MMP13: variants seen among roughly 807,000 people sequenced by gnomAD.
The protein encoded by MMP13 is collagenase 3.
A neutral mutation model predicts 52.1 loss-of-function variants in MMP13; 45 were observed. The ratio of observed to expected loss-of-function variants is 0.86; its 90% CI spans 0.68 to 1.11. The LOEUF (loss-of-function observed/expected upper bound fraction) is 1.11. MMP13 is among the 50% of genes least tolerant of loss of function. The pLI is 0.00. For missense variants in MMP13, 576 were observed against 583.8 expected, an observed-to-expected ratio of 0.99 and a Z score of 0.14; for synonymous variants, 200 against 204.4, an observed-to-expected ratio of 0.98 and a Z score of 0.18.
In MMP13 at chr11:102,955,227, G is replaced by T. The variant is rs760430156; in HGVS notation, c.362+25C>A. On this transcript the variant is annotated intron_variant, in intron 2 of 9. Coordinates refer to ENST00000260302, the MANE Select transcript of MMP13 (RefSeq NM_002427.4). This position sits in a 1 kb window ranked among gnomAD's most constrained non-coding sequence, Gnocchi z 4.9. ...ACTACAAGAAAAGGCTAACAAATAT[G>T]AAAGAAAGATAGCCTATGATTTACC... 1 of 1,611,350 alleles carries T rather than the reference G, an allele frequency of 6.2e-7. No homozygotes were observed. The highest frequency in any genetic ancestry group is 1.3e-5 in the African/African-American group (1 of 74,882).
rs1860453203 is a variant in MMP13, at chr11:102,944,040, G to GA, written c.*225dup. On this transcript the variant is annotated 3_prime_UTR_variant, in exon 10 of 10. Coordinates refer to ENST00000260302, the MANE Select transcript of MMP13 (RefSeq NM_002427.4). ...AACCATTGCTTTTGTACAGCAACAA[G>GA]AATCAGATGCTCTTTAGAGATCCTC... 1 of 489,856 alleles carries GA rather than the reference G, an allele frequency of 2.0e-6. No homozygotes were observed. Among genetic ancestry groups the GA allele is most frequent in the Admixed American group, 2.7e-5 (1 of 36,782 alleles). The allele number at this position is 489,856 out of a possible 1,614,324, so 30.3% of individuals were successfully genotyped here.
chr11:102,954,682 G>T, intron 2 of MMP13, 76 bp from the exon 3 acceptor site: 1 of 1,342,296 alleles, frequency 7.4e-7, no homozygotes, highest in Non-Finnish European at 1.1e-6. Context: ...TTGGTATATT[G>T]CTTTTCAATT....
chr11:102,947,902 G>A lies in MMP13; in HGVS notation c.1200C>T (p.Asn400=). The A allele has an allele frequency of 6.2e-7, 1 of 1,613,904 alleles. No homozygotes were observed. Among genetic ancestry groups the A allele is most frequent in the South Asian group, 1.1e-5 (1 of 91,078 alleles). ...DTGKTLLFSG[N]QVWRYDDTNH... Reference sequence around the variant, plus strand: ...TACTGCTGCCATACCTCCAGACCTGGTTTCCTGAGAACAGGAGAGTCTTGC... The same window carrying A: ...TACTGCTGCCATACCTCCAGACCTGATTTCCTGAGAACAGGAGAGTCTTGC... The change falls in exon 8 of 10, where the codon AAC becomes AAT. Residue 400 remains asparagine (N), a synonymous_variant. Transcript: ENST00000260302.
At chr11:102,947,585 A>G (rs111502175) in intron 8 of MMP13, among the ~76,000 whole-genome samples, 81 of 152,128 alleles carry the variant, frequency 5.3e-4, no homozygotes, top group African/African-American at 1.7e-3. Context: ...AAAAAAAGAA[A>G]GAAAGAGGGG....
In MMP13 at chr11:102,955,635, C is replaced by T. The variant is rs138415943; in HGVS notation, c.71G>A (p.Ser24Asn). The T allele has an allele frequency of 2.5e-6, 4 of 1,613,906 alleles. No homozygotes were observed. The Admixed American group carries it at 5.0e-5, about 20-fold the overall frequency. ...WTHCRALPLP[S>N]GGDEDDLSEE... Reference sequence around the variant, plus strand: ...AGACAAATCATCTTCATCACCACCACTGGGAAGGGGCAGGGCCCGACAATG... The same window carrying T: ...AGACAAATCATCTTCATCACCACCATTGGGAAGGGGCAGGGCCCGACAATG... The change falls in exon 1 of 10, where the codon AGT (serine) becomes AAT (asparagine). Residue 24 changes from serine to asparagine, a missense_variant. Ser to Asn is a conservative substitution (Grantham distance 46). Transcript: ENST00000260302. The surrounding 1 kb of genome is among the most constrained non-coding windows in gnomAD (Gnocchi z 4.9).
rs782239802 is a variant in MMP13 at position 102,950,177 on chromosome 11, A to G, written c.850T>C (p.Cys284Arg). The G allele has an allele frequency of 6.2e-7, 1 of 1,613,864 alleles. No individual in the cohort carries two copies. Among genetic ancestry groups the G allele is most frequent in the Non-Finnish European group, 8.5e-7 (1 of 1,179,810 alleles). ...NPKHPKTPDK[C>R]DPSLSLDAIT... ...GCATCAAGGGATAAGGAAGGGTCAC[A>G]TTTGTCTGGCGTTTTTGGATGTTTA... Residue 284 changes from cysteine to arginine, a missense_variant, in exon 6 of 10, where the codon TGT becomes CGT. Cys to Arg is a radical substitution (Grantham distance 180). Coordinates refer to ENST00000260302, the MANE Select transcript of MMP13 (RefSeq NM_002427.4).
intron 9 of MMP13, among the ~76,000 whole-genome samples, chr11:102,944,750 G>A (rs1235228205): frequency 6.7e-6 from 1 of 148,888 alleles, no homozygotes; most frequent in Non-Finnish European, 1.5e-5. Context: ...TGGGATTACA[G>A]GTGCATGCCA....
rs782016341 is a variant in MMP13 at position 102,943,387 on chromosome 11, A to G, written c.*879T>C. 2.6e-5 allele frequency: 4 copies of G among 152,240 alleles called. No individual in the cohort carries two copies. Among genetic ancestry groups the G allele is most frequent in the South Asian group, 2.1e-4 (1 of 4,832 alleles). The allele number at this position is 152,240 out of a possible 1,614,324, so 9.4% of individuals were successfully genotyped here. On this transcript the variant is annotated 3_prime_UTR_variant, in exon 10 of 10. Transcript: ENST00000260302. ...CTATATATCCAAGACAAACTGGACAATTAAATAATTAGCTAGGTAAAATAG... is the reference window on the plus strand; with the variant it reads ...CTATATATCCAAGACAAACTGGACAGTTAAATAATTAGCTAGGTAAAATAG...
intron 5 of MMP13, among the ~76,000 whole-genome samples, chr11:102,951,265 G>A (rs1393654420): frequency 2.0e-5 from 3 of 152,160 alleles, no homozygotes; most frequent in African/African-American, 7.2e-5. Context: ...GGTTGAAAGA[G>A]TACTTGGAAT....
intron 8 of MMP13, 134 bp downstream of exon 8, chr11:102,947,757 A>G (rs1430137324): frequency 5.7e-5 from 56 of 982,132 alleles, no homozygotes; most frequent in Non-Finnish European, 8.3e-5. Context: ...TGCCTGAAAG[A>G]GCTGACATGG....
chr11:102,951,955 G>A (rs1591157521), intron 5 of MMP13, 57 bp downstream of exon 5: 2 of 1,563,984 alleles, frequency 1.3e-6, no homozygotes, highest in East Asian at 2.2e-5. Context: ...GAAAATAAAT[G>A]CATGGGTTTC....
At chr11:102,944,874 G>A (rs1216672175) in intron 9 of MMP13, among the ~76,000 whole-genome samples, 2 of 146,812 alleles carry the variant, frequency 1.4e-5, no homozygotes, top group African/African-American at 5.0e-5. Flanking sequence ...GCCCACCTCA[G>A]CTTCCCAAAG....
At chr11:102,947,756 G>C in intron 8 of MMP13, 135 bp downstream of exon 8, 2 of 969,772 alleles carry the variant, frequency 2.1e-6, no homozygotes, top group South Asian at 1.4e-5. Flanking sequence ...CTGCCTGAAA[G>C]AGCTGACATG....
At chr11:102,947,173 A>C (rs143720998) in intron 8 of MMP13, among the ~76,000 whole-genome samples, 9 of 152,264 alleles carry the variant, frequency 5.9e-5, no homozygotes, top group Non-Finnish European at 1.0e-4. Context: ...CCTTCTCTAA[A>C]CCAATCTTTT....
At position 102,955,443 on chromosome 11, in the gene MMP13, C is replaced by T. The variant is rs1331192770; in HGVS notation, c.171G>A (p.Lys57=). The T allele has an allele frequency of 6.2e-7, 1 of 1,614,066 alleles. No homozygotes were observed. Among genetic ancestry groups the T allele is most frequent in the Admixed American group, 1.7e-5 (1 of 60,018 alleles). ...CAGTCATGGAGCTTGCTGCATTCTC[C>T]TTCAGGATTCCCGCGAGATTTGTAG... ...YHPTNLAGIL[K]ENAASSMTER... The change falls in exon 2 of 10, where the codon AAG becomes AAA. Residue 57 remains lysine (K), a synonymous_variant. Coordinates refer to ENST00000260302, the MANE Select transcript of MMP13 (RefSeq NM_002427.4). This position sits in a 1 kb window ranked among gnomAD's most constrained non-coding sequence, Gnocchi z 4.9.
rs151070966 is a variant in MMP13, at chr11:102,945,644, A to G, written c.1315+2T>C. On this transcript the variant is annotated splice_donor_variant, in intron 9 of 9. Transcript: ENST00000260302. LOFTEE classifies it high-confidence loss of function. ...TAAAGTCAGTGCAATGTAACTACTT[A>G]CCATTTTTCTCATAGACAGCATCTA... is the stretch of plus-strand genomic sequence containing the variant. The G allele has an allele frequency of 4.5e-6, 7 of 1,550,578 alleles. No individual in the cohort carries two copies. Among genetic ancestry groups the G allele is most frequent in the African/African-American group, 1.4e-5 (1 of 73,744 alleles).
intron 5 of MMP13, among the ~76,000 whole-genome samples, 172 bp downstream of exon 5, chr11:102,951,840 A>G (rs542195797): frequency 6.6e-6 from 1 of 152,346 alleles, no homozygotes; most frequent in South Asian, 2.1e-4. Flanking sequence ...GTATCTAAAT[A>G]TAAGAAAGGT....
At chr11:102,946,664 T>A (rs561224937) in intron 8 of MMP13, among the ~76,000 whole-genome samples, 33 of 152,072 alleles carry the variant, frequency 2.2e-4, no homozygotes, top group African/African-American at 7.2e-4. Flanking sequence ...CAAAAAAAAA[T>A]TGCCTAAGAG....
intron 2 of MMP13, 84 bp from the exon 3 acceptor site, chr11:102,954,690 A>G: frequency 1.6e-6 from 2 of 1,258,486 alleles, no homozygotes; most frequent in East Asian, 2.3e-5. Flanking sequence ...TTGCTTTTCA[A>G]TTCAAAATGC....
Sources: allele counts gnomAD v4.1 joint callset (sites outside exome capture counted in the v4.1 genomes callset), GRCh38; gene constraint gnomAD v4.1.1; non-coding constraint Gnocchi (gnomAD v3.1); transcripts MANE v1.5; gene names NCBI Gene and HGNC (gene_info 2026-07-23, HGNC 2026-07-21).